F13B: variants seen among roughly 807,000 people sequenced by gnomAD.
F13B encodes TGase.
A neutral mutation model predicts 79.8 loss-of-function variants in F13B; 58 were observed. That is an observed-to-expected ratio of 0.73 (90% CI 0.59 to 0.90). The LOEUF is 0.90. Among genes scored for constraint, F13B ranks in the 40% least tolerant of loss-of-function variants. The probability of loss-of-function intolerance (pLI) is 0.00; values close to 1 mark genes in which losing one functional copy is unlikely to be tolerated. For synonymous variants in F13B, 283 were observed against 260.3 expected (o/e 1.09, Z -0.84); for missense variants, 773 against 777.0 (o/e 0.99, Z 0.06).
chr1:197,040,454 AT>A, intron 11 of F13B, 67 bp downstream of exon 11: 1 of 1,115,676 alleles, frequency 9.0e-7, no homozygotes, highest in South Asian at 1.3e-5. Context: ...AGAACATAAC[AT>A]TTCTGAAATG....
At chr1:197,042,506 A>G (rs7518773) in intron 10 of F13B, among the ~76,000 whole-genome samples, 67,533 of 151,144 alleles carry the variant, frequency 0.45, 16,647 homozygotes, top group East Asian at 0.82. Context: ...TCTGGAAAAA[A>G]TGTATTCAGG....
At position 197,061,987 on chromosome 1, in the gene F13B, A is replaced by G. The variant is rs566574621; in HGVS notation, c.266-18T>C. 65 of 1,592,134 alleles carry G rather than the reference A, an allele frequency of 4.1e-5. No homozygotes were observed. Among genetic ancestry groups the G allele is most frequent in the Non-Finnish European group, 5.3e-5 (62 of 1,162,638 alleles). On this transcript the variant is annotated intron_variant, in intron 2 of 11. Transcript: ENST00000367412. ...GCATTTTTCTATGGGAAAAAAAATT[A>G]TTTAACTTAATGATGAAACTAAGCT... is the stretch of plus-strand genomic sequence containing the variant.
chr1:197,052,498 G>A (rs1414415695), intron 9 of F13B, 136 bp downstream of exon 9: 2 of 607,888 alleles, frequency 3.3e-6, no homozygotes, highest in East Asian at 6.1e-5. Flanking sequence ...AGAACTCAAA[G>A]TAAAATAAAA....
intron 10 of F13B, among the ~76,000 whole-genome samples, chr1:197,046,489 C>G (rs557670285): frequency 1.3e-5 from 2 of 152,214 alleles, no homozygotes; most frequent in South Asian, 4.1e-4. Context: ...GAACTACTAA[C>G]CACTGCCCAA....
chr1:197,050,486 T>C (rs1655402848), intron 10 of F13B, among the ~76,000 whole-genome samples: 1 of 152,174 alleles, frequency 6.6e-6, no homozygotes, highest in African/African-American at 2.4e-5. Flanking sequence ...GTGTGGTTTG[T>C]CTTTAAAAAA....
chr1:197,057,601 C>T (rs1174916980), intron 5 of F13B, 136 bp from the exon 6 acceptor site: 49 of 946,846 alleles, frequency 5.2e-5, no homozygotes, highest in Non-Finnish European at 7.5e-5. Context: ...TTGATCCTCA[C>T]CTCCTGATGT....
chr1:197,057,578 T>A, intron 5 of F13B, 113 bp from the exon 6 acceptor site: 1 of 1,142,292 alleles, frequency 8.8e-7, no homozygotes. Context: ...AGACTGATTC[T>A]AGGAGCATTC....
chr1:197,057,538 C>A, intron 5 of F13B, 73 bp from the exon 6 acceptor site: 2 of 1,465,290 alleles, frequency 1.4e-6, no homozygotes, highest in South Asian at 1.2e-5. Context: ...TTAAAATATT[C>A]ATCATGTCAA....
At chr1:197,058,986 G>A (rs932126036) in intron 5 of F13B, among the ~76,000 whole-genome samples, 5 of 152,096 alleles carry the variant, frequency 3.3e-5, no homozygotes, top group African/African-American at 7.2e-5. Flanking sequence ...GGCTGAGGCA[G>A]GCTGATCACC....
In F13B at chr1:197,057,393, C is replaced by T. The variant is rs756567129; in HGVS notation, c.878G>A (p.Arg293His). 14 of 1,613,732 alleles carry T rather than the reference C, an allele frequency of 8.7e-6. No homozygotes were observed. The highest frequency in any genetic ancestry group is 3.3e-5 in the Admixed American group (2 of 59,944). Residue 293 changes from arginine to histidine, a missense_variant, in exon 6 of 12, where the codon CGT becomes CAT. By Grantham distance (29) the Arg-to-His change is conservative. Coordinates refer to ENST00000367412, the MANE Select transcript of F13B (RefSeq NM_001994.3). ...TTCTATATGAACTATTTCTCCATGACGATAAGTTGTTGAATGTGTTTGAAT... is the reference window on the plus strand; with the variant it reads ...TTCTATATGAACTATTTCTCCATGATGATAAGTTGTTGAATGTGTTTGAAT... ...SKIQTHSTTY[R>H]HGEIVHIECE...
chr1:197,054,790 A>G (rs1655575805), intron 8 of F13B, among the ~76,000 whole-genome samples: 1 of 152,022 alleles, frequency 6.6e-6, no homozygotes, highest in Non-Finnish European at 1.5e-5. Context: ...GATGATTACT[A>G]CTTTAATTCA....
chr1:197,053,368 T>C (rs1487127629), intron 8 of F13B, among the ~76,000 whole-genome samples: 3 of 152,100 alleles, frequency 2.0e-5, no homozygotes, highest in African/African-American at 7.2e-5. Context: ...TTGGAGGTAA[T>C]TGAATCCTGG....
chr1:197,059,671 T>A (rs188531510), intron 5 of F13B, among the ~76,000 whole-genome samples: 1 of 152,340 alleles, frequency 6.6e-6, no homozygotes, highest in East Asian at 1.9e-4. Context: ...ATTCCTGCAC[T>A]TTGTACCTGA....
chr1:197,064,335 A>T (rs1655974066), intron 1 of F13B, among the ~76,000 whole-genome samples: 1 of 152,168 alleles, frequency 6.6e-6, no homozygotes, highest in Non-Finnish European at 1.5e-5. Flanking sequence ...ATGGAAAAAA[A>T]TGCTTATAGT....
intron 1 of F13B, among the ~76,000 whole-genome samples, chr1:197,065,403 C>T (rs1656010967): frequency 6.6e-6 from 1 of 152,004 alleles, no homozygotes; most frequent in Non-Finnish European, 1.5e-5. Flanking sequence ...TCACAGATGT[C>T]TGAACATATT....
At chr1:197,042,952 G>A (rs17514781) in intron 10 of F13B, among the ~76,000 whole-genome samples, 2,301 of 151,828 alleles carry the variant, frequency 0.015, 51 homozygotes, top group African/African-American at 0.049. Context: ...AAAATCTCAT[G>A]GAGTTGAAGA....
chr1:197,062,747 T>C (rs955378733), intron 2 of F13B, 110 bp downstream of exon 2: 2 of 967,212 alleles, frequency 2.1e-6, no homozygotes, highest in Non-Finnish European at 3.3e-6. Context: ...AGTGATTTTG[T>C]TCTTATCTAC....
chr1:197,061,749 C>G, intron 3 of F13B, 35 bp downstream of exon 3: 4 of 1,553,996 alleles, frequency 2.6e-6, no homozygotes, highest in Non-Finnish European at 3.6e-6. Context: ...GCTTGATAAG[C>G]ACTTATCTTC....
At chr1:197,062,724 A>C in intron 2 of F13B, 133 bp downstream of exon 2, 4 of 799,396 alleles carry the variant, frequency 5.0e-6, no homozygotes, top group Non-Finnish European at 8.7e-6. Flanking sequence ...ATTTTGTAGA[A>C]AGACAGATTG....
Sources: allele counts gnomAD v4.1 joint callset (sites outside exome capture counted in the v4.1 genomes callset), GRCh38; gene constraint gnomAD v4.1.1; transcripts MANE v1.5; gene names NCBI Gene and HGNC (gene_info 2026-07-23, HGNC 2026-07-21).